RFX3: variants seen among roughly 807,000 people sequenced by gnomAD.
The protein encoded by RFX3 is transcription factor RFX3.
In RFX3, 14 loss-of-function variants were observed where a neutral mutation model predicts 98.6. The observed-to-expected ratio is 0.14, with a 90% CI of 0.09 to 0.22. RFX3 has a LOEUF of 0.22. Ranked by LOEUF, RFX3 falls within the 10% of genes least tolerant of loss-of-function variation. The pLI, the probability that RFX3 is intolerant of heterozygous loss-of-function variation, is 1.00. For missense variants in RFX3, 639 were observed against 926.9 expected (o/e 0.69, Z 4.03); for synonymous variants, 383 against 328.4 (o/e 1.17, Z -1.80).
At chr9:3,397,889 T>C (rs1166879316) in intron 1 of RFX3, among the ~76,000 whole-genome samples, 5 of 152,196 alleles carry the variant, frequency 3.3e-5, no homozygotes. Context: ...ATGACTATAA[T>C]CTGCATTTAC....
At chr9:3,398,782 C>T (rs757956971) in intron 1 of RFX3, among the ~76,000 whole-genome samples, 1 of 151,980 alleles carries the variant, frequency 6.6e-6, no homozygotes, top group South Asian at 2.1e-4. Context: ...CACACTTTGA[C>T]ATCAACTGTT....
chr9:3,306,758 A>T (rs528179674), intron 4 of RFX3, among the ~76,000 whole-genome samples: 52 of 149,578 alleles, frequency 3.5e-4, no homozygotes, highest in South Asian at 1.9e-3. Context: ...AATAATAATT[A>T]AAAAAAAAAG....
intron 1 of RFX3, among the ~76,000 whole-genome samples, chr9:3,504,701 T>C (rs1444895059): frequency 7.7e-6 from 1 of 129,502 alleles, no homozygotes. Flanking sequence ...TGCTATATGG[T>C]ATATATTGTA....
chr9:3,308,738 G>C (rs1228692941), intron 4 of RFX3, among the ~76,000 whole-genome samples: 2 of 152,146 alleles, frequency 1.3e-5, no homozygotes, highest in South Asian at 2.1e-4. Flanking sequence ...GATTTCATCA[G>C]AGAGTAGAGA....
intron 13 of RFX3, among the ~76,000 whole-genome samples, chr9:3,261,343 C>T (rs1822865455): frequency 6.6e-6 from 1 of 152,090 alleles, no homozygotes; most frequent in South Asian, 2.1e-4. Flanking sequence ...AATCTACCTT[C>T]TGTCTGTATA....
intron 13 of RFX3, 145 bp from the exon 14 acceptor site, chr9:3,257,344 G>C: frequency 3.0e-6 from 2 of 671,248 alleles, no homozygotes; most frequent in Non-Finnish European, 5.0e-6. Context: ...AAAACTACTT[G>C]TCAATTGTTA....
intron 1 of RFX3, among the ~76,000 whole-genome samples, chr9:3,469,707 C>T (rs188527083): frequency 1.6e-3 from 239 of 151,922 alleles, no homozygotes; most frequent in African/African-American, 5.5e-3. Context: ...TAAATTCAAC[C>T]GTACAAAATC....
chr9:3,322,927 T>G (rs1046689187), intron 4 of RFX3, among the ~76,000 whole-genome samples: 1 of 152,172 alleles, frequency 6.6e-6, no homozygotes, highest in Non-Finnish European at 1.5e-5. Flanking sequence ...GAAAGCACAA[T>G]TAAACATCAC....
intron 1 of RFX3, among the ~76,000 whole-genome samples, chr9:3,411,343 C>G (rs554174794): frequency 7.6e-4 from 116 of 152,084 alleles, no homozygotes; most frequent in Non-Finnish European, 1.4e-3. Flanking sequence ...CTCCCTTGCT[C>G]CTTTCTCTCC....
chr9:3,441,075 C>G (rs1414401054), intron 1 of RFX3, among the ~76,000 whole-genome samples: 1 of 152,100 alleles, frequency 6.6e-6, no homozygotes, highest in East Asian at 1.9e-4. Context: ...ACAAAATTAA[C>G]TAAAAATGAA....
chr9:3,524,115 CTG>C (rs1818984660), intron 1 of RFX3, among the ~76,000 whole-genome samples: 2 of 152,196 alleles, frequency 1.3e-5, no homozygotes, highest in South Asian at 2.1e-4. Flanking sequence ...CATTTTAAAA[CTG>C]TAAATTTAAA....
chr9:3,235,293 C>T (rs980382171), intron 15 of RFX3, among the ~76,000 whole-genome samples: 5 of 152,114 alleles, frequency 3.3e-5, no homozygotes, highest in African/African-American at 7.2e-5. Flanking sequence ...CAGATGATGA[C>T]GGCTTTCAGC....
chr9:3,342,001 G>T (rs1302259134), intron 3 of RFX3, among the ~76,000 whole-genome samples: 1 of 152,176 alleles, frequency 6.6e-6, no homozygotes. Context: ...AAAAGAGATT[G>T]AGAGATTGAA....
At chr9:3,277,256 A>T (rs555257804) in intron 8 of RFX3, 84 bp downstream of exon 8, 8 of 1,409,938 alleles carry the variant, frequency 5.7e-6, no homozygotes, top group Non-Finnish European at 7.9e-6. Flanking sequence ...TGTCATTGAC[A>T]TCTATAATAG....
At chr9:3,491,488 A>C (rs935147149) in intron 1 of RFX3, among the ~76,000 whole-genome samples, 2 of 152,198 alleles carry the variant, frequency 1.3e-5, no homozygotes, top group African/African-American at 4.8e-5. Flanking sequence ...ACATATCTGC[A>C]GTTATAAATG....
chr9:3,330,210 T>C, intron 4 of RFX3, 49 bp downstream of exon 4: 1 of 1,590,160 alleles, frequency 6.3e-7, no homozygotes, highest in African/African-American at 1.3e-5. Context: ...AAATGTTCAT[T>C]AGAGACTATT....
chr9:3,279,687 A>G (rs1264598571), intron 7 of RFX3, among the ~76,000 whole-genome samples: 1 of 151,880 alleles, frequency 6.6e-6, no homozygotes. Flanking sequence ...ACTGCGCACA[A>G]TGCTTAGGAA....
chr9:3,465,813 G>GA (rs1381597674), intron 1 of RFX3, among the ~76,000 whole-genome samples: 2 of 151,686 alleles, frequency 1.3e-5, no homozygotes, highest in African/African-American at 4.8e-5. Flanking sequence ...TTGCTATGGT[G>GA]AAAAAAAGAA....
At chr9:3,316,291 T>G (rs559172936) in intron 4 of RFX3, among the ~76,000 whole-genome samples, 76 of 152,264 alleles carry the variant, frequency 5.0e-4, no homozygotes, top group African/African-American at 1.8e-3. Flanking sequence ...ATTATCTCAA[T>G]AGATGCAGAA....
Sources: allele counts gnomAD v4.1 joint callset (sites outside exome capture counted in the v4.1 genomes callset), GRCh38; gene constraint gnomAD v4.1.1; transcripts MANE v1.5; gene names NCBI Gene and HGNC (gene_info 2026-07-23, HGNC 2026-07-21).